The following COX7B2 variants were observed in gnomAD, a reference collection of about 807,000 sequenced individuals.
COX7B2 encodes cytochrome c oxidase subunit 7B2.
For synonymous variants in COX7B2, 37 were observed against 32.1 expected (o/e 1.15, Z -0.51); for missense variants, 109 against 95.9 (o/e 1.14, Z -0.57).
chr4:46,846,908 TGTGGGAAAAAACAGGTGATTG>T (rs1716317412), intron 1 of COX7B2, among the ~76,000 whole-genome samples: 1 of 151,586 alleles, frequency 6.6e-6, no homozygotes, highest in Non-Finnish European at 1.5e-5. Flanking sequence ...GCTAGAAGAG[TGTGGGAAAAAACAGGTGATTG>T]GTGGGAAATA....
intron 1 of COX7B2, among the ~76,000 whole-genome samples, chr4:46,848,670 A>C (rs1185719880): frequency 6.6e-6 from 1 of 152,082 alleles, no homozygotes; most frequent in Non-Finnish European, 1.5e-5. Context: ...AAAATAGCGT[A>C]TTTAAAGTTC....
At chr4:46,742,312 A>G (rs996800541) in intron 2 of COX7B2, among the ~76,000 whole-genome samples, 2 of 152,084 alleles carry the variant, frequency 1.3e-5, no homozygotes, top group African/African-American at 4.8e-5. Flanking sequence ...CATGATATCA[A>G]TGCAAAATAA....
intron 1 of COX7B2, among the ~76,000 whole-genome samples, chr4:46,875,901 T>A (rs958381715): frequency 6.6e-6 from 1 of 152,104 alleles, no homozygotes; most frequent in African/African-American, 2.4e-5. Context: ...TATTAAAATT[T>A]CAACTACTAT....
At chr4:46,824,308 C>T (rs1714519148) in intron 2 of COX7B2, among the ~76,000 whole-genome samples, 1 of 152,112 alleles carries the variant, frequency 6.6e-6, no homozygotes. Flanking sequence ...TCTTGCTCAA[C>T]TCATACTATG....
chr4:46,791,975 C>G (rs1022570119), intron 2 of COX7B2, among the ~76,000 whole-genome samples: 40 of 152,154 alleles, frequency 2.6e-4, no homozygotes, highest in African/African-American at 8.4e-4. Context: ...TAGGTAAAAT[C>G]AGTGCAGAGC....
chr4:46,878,189 A>T (rs6818903), intron 1 of COX7B2, among the ~76,000 whole-genome samples: 15,906 of 151,418 alleles, frequency 0.11, 986 homozygotes, highest in South Asian at 0.24. Flanking sequence ...AAGTTTTTTT[A>T]AAAAAAAATT....
At chr4:46,882,678 T>A (rs1718821427) in intron 1 of COX7B2, among the ~76,000 whole-genome samples, 1 of 152,214 alleles carries the variant, frequency 6.6e-6, no homozygotes, top group African/African-American at 2.4e-5. Flanking sequence ...TTTGAGCCTA[T>A]GAGTGTTATT....
intron 2 of COX7B2, among the ~76,000 whole-genome samples, chr4:46,842,648 G>A (rs1451697686): frequency 4.0e-5 from 6 of 151,662 alleles, no homozygotes; most frequent in African/African-American, 9.7e-5. Context: ...GAGAACATGC[G>A]GTGTTTGGTT....
chr4:46,881,842 G>C (rs976685109), intron 1 of COX7B2, among the ~76,000 whole-genome samples: 6 of 152,046 alleles, frequency 3.9e-5, no homozygotes, highest in Non-Finnish European at 8.8e-5. Context: ...TGCTAGCTTT[G>C]AGGTTTTTTT....
chr4:46,889,322 A>G (rs1393492122), intron 1 of COX7B2, among the ~76,000 whole-genome samples: 1 of 152,160 alleles, frequency 6.6e-6, no homozygotes, highest in African/African-American at 2.4e-5. Flanking sequence ...CCTGTCACCT[A>G]TTCCCTGGAT....
rs35024713 is a variant in COX7B2, at chr4:46,907,848, C to CTTTTTTTTTTT, written c.-105+1301_-105+1311dup. ...TATAAAAGATCAGAATTTGAGCAGA[C>CTTTTTTTTTTT]TTTTTTTTTTTTTTTTTTTTTTTTG... On this transcript the variant is annotated intron_variant, in intron 1 of 2. Transcript: ENST00000355591. Among the ~76,000 whole-genome samples the CTTTTTTTTTTT allele has an allele frequency of 1.8e-4, 11 of 59,730 alleles. 1 individual carries two copies. The highest frequency in any genetic ancestry group is 6.9e-4 in the South Asian group (1 of 1,454). The allele number at this position is 59,730 out of a possible 152,430, so 39.2% of individuals were successfully genotyped here.
At chr4:46,819,443 T>C (rs1262860548) in intron 2 of COX7B2, among the ~76,000 whole-genome samples, 2 of 151,584 alleles carry the variant, frequency 1.3e-5, no homozygotes, top group African/African-American at 4.8e-5. Flanking sequence ...AAATCAGGGG[T>C]GTCCAATCTT....
At chr4:46,776,937 T>C (rs1029218484) in intron 2 of COX7B2, among the ~76,000 whole-genome samples, 9 of 152,178 alleles carry the variant, frequency 5.9e-5, no homozygotes, top group Non-Finnish European at 1.2e-4. Context: ...GCAAAACATC[T>C]AATTTGCCGC....
At chr4:46,785,497 C>T (rs182693998) in intron 2 of COX7B2, among the ~76,000 whole-genome samples, 4 of 151,992 alleles carry the variant, frequency 2.6e-5, no homozygotes, top group East Asian at 3.9e-4. Context: ...CTCAGCCTCC[C>T]GAGTAGCTGG....
At chr4:46,882,304 C>A (rs1289800989) in intron 1 of COX7B2, among the ~76,000 whole-genome samples, 1 of 152,106 alleles carries the variant, frequency 6.6e-6, no homozygotes, top group Admixed American at 6.6e-5. Context: ...AAAGGTCTAT[C>A]AGATCCATCT....
intron 1 of COX7B2, among the ~76,000 whole-genome samples, chr4:46,881,688 C>G (rs893008642): frequency 4.6e-5 from 7 of 152,104 alleles, no homozygotes; most frequent in African/African-American, 1.7e-4. Context: ...CACCACTGCA[C>G]TCCAGCCTGG....
chr4:46,793,330 T>G (rs1718147831), intron 2 of COX7B2, among the ~76,000 whole-genome samples: 1 of 151,966 alleles, frequency 6.6e-6, no homozygotes. Flanking sequence ...TGTCTCTGGT[T>G]GGGGAGGAGT....
intron 2 of COX7B2, among the ~76,000 whole-genome samples, chr4:46,826,051 CT>C (rs1372956253): frequency 6.6e-6 from 1 of 152,146 alleles, no homozygotes; most frequent in East Asian, 1.9e-4. Flanking sequence ...AACTTAAGAG[CT>C]TCTGCACAGC....
chr4:46,879,101 AT>A (rs371370262), intron 1 of COX7B2, among the ~76,000 whole-genome samples: 70 of 152,026 alleles, frequency 4.6e-4, no homozygotes, highest in African/African-American at 1.5e-3. Context: ...TAAGGCCGTG[AT>A]TTTTTTCTCC....
Sources: gnomAD v4.1 joint callset for allele counts (sites outside exome capture counted in the v4.1 genomes callset) on GRCh38, gnomAD v4.1.1 for gene constraint, MANE v1.5 for transcripts, NCBI Gene and HGNC (gene_info 2026-07-23, HGNC 2026-07-21) for gene names.